The following GAA variants were observed in gnomAD, a reference collection of about 807,000 sequenced individuals.
The protein encoded by GAA is alpha glucosidase.
Under a neutral mutation model 103.9 loss-of-function variants are expected in GAA, and 88 were observed. The ratio of observed to expected loss-of-function variants is 0.85; its 90% CI spans 0.71 to 1.01. The LOEUF (loss-of-function observed/expected upper bound fraction) is 1.01. Among genes scored for constraint, GAA ranks in the 50% least tolerant of loss-of-function variants. GAA has a pLI of 0.00. For missense variants in GAA, 1,350 were observed against 1,305.3 expected, an observed-to-expected ratio of 1.03 and a Z score of -0.53; for synonymous variants, 572 against 563.1, an observed-to-expected ratio of 1.02 and a Z score of -0.22.
At chr17:80,103,695 CTGTT>C (rs2143819310) in intron 1 of GAA, among the ~76,000 whole-genome samples, 2 of 152,230 alleles carry the variant, frequency 1.3e-5, no homozygotes, top group African/African-American at 4.8e-5. Flanking sequence ...GGTGCAGCCA[CTGTT>C]ACAGAGACTG....
intron 17 of GAA, 21 bp downstream of exon 17, chr17:80,117,770 T>C: frequency 6.3e-7 from 1 of 1,597,080 alleles, no homozygotes; most frequent in Non-Finnish European, 8.5e-7. Context: ...CAGGCGGCTA[T>C]GGTGGGGGTG....
chr17:80,108,510 A>G lies in GAA; in HGVS notation c.1097A>G (p.Tyr366Cys). Residue 366 changes from tyrosine to cysteine, a missense_variant, in exon 7 of 20, where the codon TAC becomes TGC. By Grantham distance (194) the Tyr-to-Cys change is radical (BLOSUM62 -2). Transcript: ENST00000302262. Reference protein sequence around the residue: ...DVVGYPFMPPYWGLGFHLCRW... With the variant: ...DVVGYPFMPPCWGLGFHLCRW... ...GCAGGATACCCGTTCATGCCGCCATACTGGGGCCTGGGCTTCCACCTGTGC... is the reference window on the plus strand; with the variant it reads ...GCAGGATACCCGTTCATGCCGCCATGCTGGGGCCTGGGCTTCCACCTGTGC... 6.2e-7 allele frequency: 1 copy of G among 1,613,080 alleles called. No homozygotes were observed. Among genetic ancestry groups the G allele is most frequent in the African/African-American group, 1.3e-5 (1 of 75,026 alleles).
rs1186657557 is a variant in GAA, at chr17:80,110,159, C to T, written c.1437+104C>T. 6 of 877,514 alleles carry T rather than the reference C, an allele frequency of 6.8e-6. No individual in the cohort carries two copies. In the Admixed American group the frequency reaches 1.2e-4, roughly 18 times the overall value. The allele number at this position is 877,514 out of a possible 1,614,324, so 54.4% of individuals were successfully genotyped here. ...CGGTGGGATTTGAGGAGCCATCACGCCCAGTGGGACAGCTGAGAGGAATGG... is the reference window on the plus strand; with the variant it reads ...CGGTGGGATTTGAGGAGCCATCACGTCCAGTGGGACAGCTGAGAGGAATGG... On this transcript the variant is annotated intron_variant, in intron 9 of 19. Transcript: ENST00000302262.
chr17:80,117,212 C>A, intron 16 of GAA, 103 bp downstream of exon 16: 1 of 1,301,974 alleles, frequency 7.7e-7, no homozygotes, highest in Non-Finnish European at 1.1e-6. Context: ...GAAAGAGGAA[C>A]GTATGTGTTG....
At chr17:80,103,450 TACAC>T (rs968651242) in intron 1 of GAA, among the ~76,000 whole-genome samples, 21 of 152,158 alleles carry the variant, frequency 1.4e-4, no homozygotes, top group African/African-American at 4.8e-4. Context: ...CATGGTGTAT[TACAC>T]ACACCAAAGG....
Position 80,104,937 on chromosome 17 carries a change from G to A in GAA, c.351G>A (p.Leu117=), listed in dbSNP as rs574947353. 705 of 1,612,348 alleles carry A rather than the reference G, an allele frequency of 4.4e-4. 11 individuals carry two copies. In the South Asian group the frequency reaches 6.9e-3, roughly 16 times the overall value. ...GCTACATCCCTGCAAAGCAGGGGCT[G>A]CAGGGAGCCCAGATGGGGCAGCCCT... The part of the protein sequence containing the change: ...GCCYIPAKQG[L]QGAQMGQPWC... Residue 117 remains leucine, a synonymous_variant, in exon 2 of 20, where the codon CTG becomes CTA. Transcript: ENST00000302262. This position sits in a 1 kb window ranked among gnomAD's most constrained non-coding sequence, Gnocchi z 4.0.
chr17:80,108,462 C>T (rs752238888), intron 6 of GAA, 27 bp from the exon 7 acceptor site: 2 of 1,613,216 alleles, frequency 1.2e-6, no homozygotes, highest in South Asian at 1.1e-5. Context: ...CTCCTCCCTC[C>T]CTCATGAAGT....
Position 80,108,545 on chromosome 17 carries a change from T to C in GAA, c.1132T>C (p.Tyr378His). Reference sequence around the variant, plus strand: ...GGGCTTCCACCTGTGCCGCTGGGGCTACTCCTCCACCGCTATCACCCGCCA... The same window carrying C: ...GGGCTTCCACCTGTGCCGCTGGGGCCACTCCTCCACCGCTATCACCCGCCA... ...GLGFHLCRWGYSSTAITRQVV... is the reference protein window; with the variant it reads ...GLGFHLCRWGHSSTAITRQVV... The change falls in exon 7 of 20, where the codon TAC becomes CAC. Residue 378 changes from tyrosine (Y) to histidine (H), a missense_variant. Coordinates refer to ENST00000302262, the MANE Select transcript of GAA (RefSeq NM_000152.5). 1 of 1,612,918 alleles carries C rather than the reference T, an allele frequency of 6.2e-7. No individual in the cohort carries two copies. Among genetic ancestry groups the C allele is most frequent in the Non-Finnish European group, 8.5e-7 (1 of 1,179,874 alleles).
chr17:80,104,819 T>G lies in GAA; in HGVS notation c.233T>G (p.Val78Gly). ...AQAHPGRPRA[V>G]PTQCDVPPNS... ...GCACACCCCGGCCGTCCCAGAGCAG[T>G]GCCCACACAGTGCGACGTCCCCCCC... Residue 78 changes from valine (V) to glycine (G), a missense_variant, in exon 2 of 20, where the codon GTG (valine) becomes GGG (glycine). Coordinates refer to ENST00000302262, the MANE Select transcript of GAA (RefSeq NM_000152.5). This position sits in a 1 kb window ranked among gnomAD's most constrained non-coding sequence, Gnocchi z 4.0. 6.2e-7 allele frequency: 1 copy of G among 1,612,456 alleles called. No homozygotes were observed. Among genetic ancestry groups the G allele is most frequent in the Non-Finnish European group, 8.5e-7 (1 of 1,179,824 alleles).
At chr17:80,110,098 C>G in intron 9 of GAA, 43 bp downstream of exon 9, 1 of 1,513,464 alleles carries the variant, frequency 6.6e-7, no homozygotes, top group South Asian at 1.1e-5. Flanking sequence ...AAGCAGAGGC[C>G]TCCAGCCAGG....
chr17:80,112,009 GCCA>G lies in GAA; in HGVS notation c.1667_1669del (p.Thr556del). 6.2e-7 allele frequency: 1 copy of G among 1,613,874 alleles called. No individual in the cohort carries two copies. The highest frequency in any genetic ancestry group is 8.5e-7 in the Non-Finnish European group (1 of 1,179,926). On this transcript the variant is annotated inframe_deletion, in exon 12 of 20. Coordinates refer to ENST00000302262, the MANE Select transcript of GAA (RefSeq NM_000152.5). ...GGTGGTTGGGGGGACCCTCCAGGCGGCCACCATCTGTGCCTCCAGCCACCAGTT... is the reference window on the plus strand; with the variant it reads ...GGTGGTTGGGGGGACCCTCCAGGCGGCCATCTGTGCCTCCAGCCACCAGTT...
chr17:80,119,510 C>T lies in GAA; in HGVS notation c.*179C>T, dbSNP rs755569005. The T allele has an allele frequency of 1.6e-4, 102 of 658,052 alleles. No individual in the cohort carries two copies. The highest frequency in any genetic ancestry group is 2.7e-4 in the Non-Finnish European group (98 of 360,568). The allele number at this position is 658,052 out of a possible 1,614,324, so 40.8% of individuals were successfully genotyped here. ...ACCTCCTGGGCCGGGGCTCTGGCCC[C>T]CAACGTGTCTAGGAGAGCTTTCTCC... On this transcript the variant is annotated 3_prime_UTR_variant, in exon 20 of 20. Coordinates refer to ENST00000302262, the MANE Select transcript of GAA (RefSeq NM_000152.5).
Position 80,107,887 on chromosome 17 carries a change from A to G in GAA, c.946A>G (p.Asn316Asp). The G allele has an allele frequency of 6.2e-7, 1 of 1,610,392 alleles. No homozygotes were observed. The highest frequency in any genetic ancestry group is 8.5e-7 in the Non-Finnish European group (1 of 1,179,310). ...ACACGGGGTGTTCCTGCTAAACAGC[A>G]ATGCCATGGGTAAGCTGCCCGCCGC... ...SAHGVFLLNS[N>D]AMDVVLQPSP... Residue 316 changes from asparagine (N) to aspartate (D), a missense_variant, in exon 5 of 20, where the codon AAT becomes GAT. Physicochemically the swap from Asn to Asp is conservative, Grantham distance 23 (BLOSUM62 1). Coordinates refer to ENST00000302262, the MANE Select transcript of GAA (RefSeq NM_000152.5).
rs756761799 is a variant in GAA, at chr17:80,112,558, G to A, written c.1755-20G>A. 1.9e-5 allele frequency: 30 copies of A among 1,612,656 alleles called. No individual in the cohort carries two copies. The highest frequency in any genetic ancestry group is 1.6e-4 in the Middle Eastern group (1 of 6,072). ...TGACCCCGCTCCACACAGCCCTCAC[G>A]GTGTCCCCCACCACCCCAGGGCGCT... On this transcript the variant is annotated intron_variant, in intron 12 of 19. Transcript: ENST00000302262.
intron 15 of GAA, among the ~76,000 whole-genome samples, chr17:80,114,333 A>G (rs1438688310): frequency 6.6e-6 from 1 of 152,182 alleles, no homozygotes; most frequent in African/African-American, 2.4e-5. Flanking sequence ...TACGAATGGT[A>G]TCCACACATT....
Position 80,118,396 on chromosome 17 carries a change from G to A in GAA, c.2646+39G>A, listed in dbSNP as rs41292410. On this transcript the variant is annotated intron_variant, in intron 18 of 19. Transcript: ENST00000302262. ...CTGCTCAGGCTGGTGGGCAGGGGCC[G>A]GCTCGGGGTTGAGAAGGGGTGAGGG... The A allele has an allele frequency of 4.1e-3, 6,338 of 1,555,594 alleles. 27 individuals are homozygous for A. The highest frequency in any genetic ancestry group is 4.9e-3 in the Non-Finnish European group (5,583 of 1,149,950).
At chr17:80,103,773 A>C (rs2039007324) in intron 1 of GAA, among the ~76,000 whole-genome samples, 1 of 152,258 alleles carries the variant, frequency 6.6e-6, no homozygotes, top group African/African-American at 2.4e-5. Flanking sequence ...GCCAGAGGTT[A>C]AGTCCTTTCT....
At position 80,112,683 on chromosome 17, in the gene GAA, C is replaced by T. The variant is rs370369972; in HGVS notation, c.1860C>T (p.Ser620=). Residue 620 remains serine, a synonymous_variant, in exon 13 of 20, where the codon TCC becomes TCT. Coordinates refer to ENST00000302262, the MANE Select transcript of GAA (RefSeq NM_000152.5). ...ACTGGACGGGGGACGTGTGGAGCTC[C>T]TGGGAGCAGCTCGCCTCCTCCGTGC... ...AGHWTGDVWS[S]WEQLASSVPE... is the part of the protein sequence containing the mutation. 43 of 1,610,838 alleles carry T rather than the reference C, an allele frequency of 2.7e-5. No homozygotes were observed. The African/African-American group carries it at 5.1e-4, about 19-fold the overall frequency.
At chr17:80,116,886 C>A in intron 15 of GAA, 82 bp from the exon 16 acceptor site, 1 of 1,523,048 alleles carries the variant, frequency 6.6e-7, no homozygotes. Context: ...TCAGCCTCTT[C>A]CTGTGCCTCC....
Sources: allele counts gnomAD v4.1 joint callset (sites outside exome capture counted in the v4.1 genomes callset), GRCh38; gene constraint gnomAD v4.1.1; non-coding constraint Gnocchi (gnomAD v3.1); transcripts MANE v1.5; gene names NCBI Gene and HGNC (gene_info 2026-07-23, HGNC 2026-07-21).